Variants in PECAM1 observed in about 807,000 individuals in gnomAD.
PECAM1 encodes platelet and endothelial cell adhesion molecule 1.
Under a neutral mutation model 13.8 loss-of-function variants are expected in PECAM1, and 8 were observed. The ratio of observed to expected loss-of-function variants is 0.58; its 90% confidence interval spans 0.34 to 1.05. PECAM1 has a LOEUF of 1.05. PECAM1 is among the 50% of genes least tolerant of loss of function. PECAM1 has a pLI of 0.03. For missense variants in PECAM1, 304 were observed against 141.2 expected (o/e 2.15, Z -5.84); for synonymous variants, 136 against 52.6 (o/e 2.58, Z -6.86).
intron 13 of PECAM1, among the ~76,000 whole-genome samples, chr17:64,347,599 T>TTA (rs1314673111): frequency 0.067 from 9,459 of 141,018 alleles, 1,110 homozygotes; most frequent in African/African-American, 0.23. Flanking sequence ...TATAAAAATA[T>TTA]TATATATAAA....
intron 6 of PECAM1, among the ~76,000 whole-genome samples, chr17:64,362,274 C>T (rs200435358): frequency 0.027 from 4,137 of 152,318 alleles, 82 homozygotes; most frequent in South Asian, 0.043. Context: ...AGCCCAGCTC[C>T]TGGTGGTCAA....
intron 4 of PECAM1, among the ~76,000 whole-genome samples, chr17:64,371,786 C>T (rs12943015): frequency 2.6e-5 from 4 of 152,012 alleles, no homozygotes; most frequent in African/African-American, 4.8e-5. Flanking sequence ...GCCGAGATTG[C>T]GCCACTGCAC....
chr17:64,341,141 G>A (rs2035418222), intron 14 of PECAM1, among the ~76,000 whole-genome samples: 1 of 150,750 alleles, frequency 6.6e-6, no homozygotes, highest in Non-Finnish European at 1.5e-5. Flanking sequence ...GCGGGCGCCT[G>A]TAATCCCATC....
At chr17:64,340,808 G>A (rs2035408023) in intron 14 of PECAM1, among the ~76,000 whole-genome samples, 1 of 152,128 alleles carries the variant, frequency 6.6e-6, no homozygotes, top group Non-Finnish European at 1.5e-5. Context: ...TGTCAGAAAA[G>A]CTGAAGCTGC....
intron 14 of PECAM1, among the ~76,000 whole-genome samples, chr17:64,338,670 G>A (rs2143719539): frequency 6.6e-6 from 1 of 152,212 alleles, no homozygotes; most frequent in East Asian, 1.9e-4. Flanking sequence ...CAATTCTCCT[G>A]CCTCAACCTC....
chr17:64,331,547 C>T (rs549152974), intron 14 of PECAM1, among the ~76,000 whole-genome samples: 36 of 152,298 alleles, frequency 2.4e-4, no homozygotes, highest in East Asian at 7.7e-4. Context: ...TCTGCAGTTG[C>T]GCAAATGGTC....
intron 2 of PECAM1, among the ~76,000 whole-genome samples, chr17:64,380,638 C>T (rs2036462223): frequency 6.6e-6 from 1 of 152,178 alleles, no homozygotes; most frequent in Non-Finnish European, 1.5e-5. Flanking sequence ...TTAAAACTCT[C>T]AAAGACAGAT....
At chr17:64,386,771 A>AAAAC (rs1341410321) in intron 2 of PECAM1, among the ~76,000 whole-genome samples, 5 of 152,170 alleles carry the variant, frequency 3.3e-5, no homozygotes, top group African/African-American at 9.7e-5. Context: ...AGTCTCTACA[A>AAAAC]AAACAAACAA....
chr17:64,385,349 C>T (rs1012954646), intron 2 of PECAM1, among the ~76,000 whole-genome samples: 10 of 152,240 alleles, frequency 6.6e-5, no homozygotes, highest in South Asian at 6.2e-4. Flanking sequence ...TGGAAACATG[C>T]GGCACCATCA....
intron 15 of PECAM1, among the ~76,000 whole-genome samples, chr17:64,327,394 A>T (rs983171754): frequency 6.6e-6 from 1 of 152,352 alleles, no homozygotes. Flanking sequence ...CTTTATAGAT[A>T]AGGAAGCTTG....
At chr17:64,363,698 G>C (rs982968183) in intron 5 of PECAM1, among the ~76,000 whole-genome samples, 1 of 152,144 alleles carries the variant, frequency 6.6e-6, no homozygotes, top group Non-Finnish European at 1.5e-5. Context: ...TGTAATCCCA[G>C]CACTTTGGGA....
chr17:64,368,178 G>C (rs2036155449), intron 5 of PECAM1, among the ~76,000 whole-genome samples: 1 of 152,174 alleles, frequency 6.6e-6, no homozygotes, highest in African/African-American at 2.4e-5. Context: ...CAACAAATAT[G>C]TATTGAATTC....
At chr17:64,332,926 G>T (rs782625713) in intron 14 of PECAM1, among the ~76,000 whole-genome samples, 1 of 152,134 alleles carries the variant, frequency 6.6e-6, no homozygotes, top group Non-Finnish European at 1.5e-5. Context: ...ACCAAGGCCG[G>T]TGGATCACTT....
intron 13 of PECAM1, among the ~76,000 whole-genome samples, chr17:64,341,994 T>G (rs1445731802): frequency 1.1e-4 from 17 of 151,590 alleles, no homozygotes; most frequent in Admixed American, 1.1e-3. Context: ...TACTAAAAAT[T>G]CAAAAAATTA....
intron 10 of PECAM1, among the ~76,000 whole-genome samples, 159 bp downstream of exon 10, chr17:64,353,332 C>T (rs915152550): frequency 3.4e-5 from 5 of 149,146 alleles, no homozygotes; most frequent in Non-Finnish European, 5.9e-5. Flanking sequence ...CACACACACA[C>T]ACACACACAA....
intron 7 of PECAM1, among the ~76,000 whole-genome samples, chr17:64,359,288 A>G (rs2035919095): frequency 6.6e-6 from 1 of 152,222 alleles, no homozygotes; most frequent in Non-Finnish European, 1.5e-5. Flanking sequence ...ACATGCAAGC[A>G]ATGGCACTCC....
intron 15 of PECAM1, among the ~76,000 whole-genome samples, chr17:64,324,206 T>C (rs2034879776): frequency 6.6e-6 from 1 of 152,194 alleles, no homozygotes; most frequent in South Asian, 2.1e-4. Flanking sequence ...GCACAATGAC[T>C]GCAGCCTCTC....
At chr17:64,360,582 C>CTGTGTGTGTGTGTGTGTGTG (rs10589772) in intron 6 of PECAM1, among the ~76,000 whole-genome samples, 167 bp from the exon 7 acceptor site, 6 of 139,394 alleles carry the variant, frequency 4.3e-5, no homozygotes, top group East Asian at 4.3e-4. Context: ...GACTGACAGG[C>CTGTGTGTGTGTGTGTGTGTG]TGTGTGTGTG....
chr17:64,342,859 A>G (rs2035469463), intron 13 of PECAM1, among the ~76,000 whole-genome samples: 1 of 152,090 alleles, frequency 6.6e-6, no homozygotes, highest in African/African-American at 2.4e-5. Flanking sequence ...TATACATGCT[A>G]TGTATACCCT....
Sources: allele counts gnomAD v4.1 joint callset (sites outside exome capture counted in the v4.1 genomes callset), GRCh38; gene constraint gnomAD v4.1.1; transcripts MANE v1.5; gene names NCBI Gene and HGNC (gene_info 2026-07-23, HGNC 2026-07-21).